TPM1: variants seen among roughly 807,000 people sequenced by gnomAD.
The protein encoded by TPM1 is tropomyosin alpha-1 chain.
A neutral mutation model predicts 42.9 loss-of-function variants in TPM1; 24 were observed. The observed-to-expected ratio is 0.56, with a 90% CI of 0.41 to 0.79. The LOEUF (loss-of-function observed/expected upper bound fraction) is 0.79, where lower values mean the gene tolerates loss of function less well. TPM1 is among the 30% of genes least tolerant of loss of function. The pLI is 0.00. For synonymous variants in TPM1, 136 were observed against 130.1 expected (o/e 1.05, Z -0.31); for missense variants, 158 against 351.8 (o/e 0.45, Z 4.41).
intron 5 of TPM1, 157 bp downstream of exon 5, chr15:63,061,096 C>T: frequency 6.9e-7 from 1 of 1,458,638 alleles, no homozygotes; most frequent in Non-Finnish European, 9.6e-7. Context: ...ACATGGAGGA[C>T]TCGTGTGGGG....
At chr15:63,069,144 C>G (rs1340082919), downstream of TPM1, among the ~76,000 whole-genome samples, 1 of 152,058 alleles carries the variant, frequency 6.6e-6, no homozygotes, top group African/African-American at 2.4e-5. Flanking sequence ...CAGAGCGAGA[C>G]TAAGTCTCAA....
chr15:63,052,313 A>C (rs1380702540), intron 2 of TPM1, among the ~76,000 whole-genome samples: 1 of 152,210 alleles, frequency 6.6e-6, no homozygotes, highest in East Asian at 1.9e-4. Flanking sequence ...ACCTGAGGTC[A>C]GCAGTTCGAG....
At position 63,042,950 on chromosome 15, in the gene TPM1, G is replaced by T; in HGVS notation, c.114+7G>T. 6.3e-7 allele frequency: 1 copy of T among 1,585,910 alleles called. No homozygotes were observed. ...GGAAGACAGGAGCAAGCAGGTCTGC[G>T]CCTCCCCGGCCCTGCGCCCGCGCCC... is the stretch of plus-strand genomic sequence containing the variant. On this transcript the variant is annotated splice_region_variant and intron_variant, in intron 1 of 9. Coordinates refer to ENST00000403994, the MANE Select transcript of TPM1 (RefSeq NM_001018005.2).
intron 9 of TPM1, chr15:63,064,496 T>A (rs993288999): frequency 5.5e-6 from 6 of 1,100,150 alleles, no homozygotes; most frequent in Non-Finnish European, 6.7e-6. Flanking sequence ...TCTCAAAAAA[T>A]ATCAAAATTT....
downstream of TPM1, chr15:63,070,202 G>A (rs2036528042): frequency 7.9e-7 from 1 of 1,262,266 alleles, no homozygotes; most frequent in African/African-American, 1.5e-5. Context: ...GAAATAGCAG[G>A]TCCTCTTGTT....
At chr15:63,064,629 T>G (rs1167383961) in intron 9 of TPM1, 3 of 1,009,642 alleles carry the variant, frequency 3.0e-6, no homozygotes, top group Non-Finnish European at 3.6e-6. Context: ...CCAATACAGC[T>G]TTAACAGTGG....
At chr15:63,055,630 G>A (rs995842709) in intron 2 of TPM1, 3 of 152,218 alleles carry the variant, frequency 2.0e-5, no homozygotes, top group Admixed American at 6.5e-5. Context: ...AGGGCTGTGT[G>A]TAGAGAAATT....
Position 63,062,561 on chromosome 15 carries a change from A to G in TPM1, c.703-15A>G, listed in dbSNP as rs962090195. On this transcript the variant is annotated splice_polypyrimidine_tract_variant and intron_variant, in intron 7 of 9. Coordinates refer to ENST00000403994, the MANE Select transcript of TPM1 (RefSeq NM_001018005.2). ...CATAAAACTTCCCAACTTTAACTCA[A>G]ATAAATCATTACAGGCTGAGACTCG... is the stretch of plus-strand genomic sequence containing the variant. 2.5e-6 allele frequency: 4 copies of G among 1,614,176 alleles called. No homozygotes were observed. Among genetic ancestry groups the G allele is most frequent in the East Asian group, 2.2e-5 (1 of 44,882 alleles).
intron 2 of TPM1, chr15:63,048,180 G>C: frequency 6.6e-6 from 3 of 453,386 alleles, no homozygotes; most frequent in Non-Finnish European, 1.3e-5. Flanking sequence ...CCGTTACCCC[G>C]GGTCACCACC....
At chr15:63,059,805 G>A in intron 4 of TPM1, 125 bp downstream of exon 4, 2 of 678,194 alleles carry the variant, frequency 2.9e-6, no homozygotes, top group Non-Finnish European at 5.3e-6. Flanking sequence ...GGGTGGTTTT[G>A]AGAAGCAGAG....
At position 63,060,944 on chromosome 15, in the gene TPM1, G is replaced by A. The variant is rs2035532119; in HGVS notation, c.563+5G>A. 1 of 1,613,980 alleles carries A rather than the reference G, an allele frequency of 6.2e-7. No individual in the cohort carries two copies. The highest frequency in any genetic ancestry group is 1.7e-5 in the Admixed American group (1 of 60,028). ...GCGGGCTGAGCTCTCAGAAGGGTAA[G>A]CGGGCCCGGCGCCAGGAGGCCACGA... is the stretch of plus-strand genomic sequence containing the variant. On this transcript the variant is annotated splice_donor_5th_base_variant and intron_variant, in intron 5 of 9. Coordinates refer to ENST00000403994, the MANE Select transcript of TPM1 (RefSeq NM_001018005.2).
rs1555403294 is a variant in TPM1, at chr15:63,043,821, C to A, written c.115-206C>A. Reference sequence around the variant, plus strand: ...GACAGCCTCCTGGCCGCCGAAGAGGCCGCCGCCAAGGTACCCGGGGCGCGC... The same window carrying A: ...GACAGCCTCCTGGCCGCCGAAGAGGACGCCGCCAAGGTACCCGGGGCGCGC... On this transcript the variant is annotated intron_variant, in intron 1 of 9. Coordinates refer to ENST00000403994, the MANE Select transcript of TPM1 (RefSeq NM_001018005.2). The A allele has an allele frequency of 6.5e-7, 1 of 1,548,704 alleles. No homozygotes were observed. Among genetic ancestry groups the A allele is most frequent in the Non-Finnish European group, 8.7e-7 (1 of 1,147,060 alleles).
downstream of TPM1, among the ~76,000 whole-genome samples, chr15:63,066,692 T>G (rs892366261): frequency 1.3e-5 from 2 of 152,250 alleles, no homozygotes; most frequent in East Asian, 3.8e-4. Context: ...CAAGCTTTTT[T>G]GAAGTATATT....
intron 5 of TPM1, 167 bp from the exon 6 acceptor site, chr15:63,061,546 A>C: frequency 2.6e-6 from 2 of 765,734 alleles, no homozygotes; most frequent in South Asian, 3.0e-5. Context: ...GTTGGGGGGC[A>C]GTGTTCCTGG....
exon 9 of TPM1, chr15:63,071,303 CA>C: frequency 9.3e-7 from 1 of 1,075,380 alleles, no homozygotes; most frequent in Non-Finnish European, 1.4e-6. Flanking sequence ...CCAGCTAGGT[CA>C]GGGGGTGGGG....
chr15:63,043,565 G>A (rs770675142), intron 1 of TPM1: 3 of 1,342,782 alleles, frequency 2.2e-6, no homozygotes, highest in Non-Finnish European at 2.1e-6. Context: ...GGGTAAAGAG[G>A]AAGTTACCTC....
intron 2 of TPM1, among the ~76,000 whole-genome samples, chr15:63,051,147 A>C (rs1280966690): frequency 6.6e-6 from 1 of 152,302 alleles, no homozygotes; most frequent in South Asian, 2.1e-4. Context: ...GGCAGGATGA[A>C]TCTTCCTTTC....
chr15:63,065,527 A>G (rs1281032628), intron 9 of TPM1: 1 of 985,106 alleles, frequency 1.0e-6, no homozygotes, highest in Non-Finnish European at 1.2e-6. Flanking sequence ...TTTGTAAATG[A>G]GGGGGTGGAG....
chr15:63,061,684 C>A (rs368990150), intron 5 of TPM1, 29 bp from the exon 6 acceptor site: 4 of 1,609,064 alleles, frequency 2.5e-6, no homozygotes, highest in East Asian at 4.5e-5. Context: ...TTGTCTCCCA[C>A]CCTTTCTGCC....
Sources: gnomAD v4.1 joint callset for allele counts (sites outside exome capture counted in the v4.1 genomes callset) on GRCh38, gnomAD v4.1.1 for gene constraint, MANE v1.5 for transcripts, NCBI Gene and HGNC (gene_info 2026-07-23, HGNC 2026-07-21) for gene names.